The following BCAS3 variants were observed in gnomAD, a reference collection of about 807,000 sequenced individuals.
BCAS3 encodes BCAS3 microtubule associated cell migration factor, also known as BCAS4/BCAS3 fusion.
In BCAS3, 53 loss-of-function variants were observed where a neutral mutation model predicts 116.1. The observed-to-expected ratio is 0.46, with a 90% CI of 0.37 to 0.57. BCAS3 has a LOEUF of 0.57. Ranked by LOEUF, BCAS3 falls within the 20% of genes least tolerant of loss-of-function variation. The probability of loss-of-function intolerance (pLI) is 0.00; values close to 1 mark genes in which losing one functional copy is unlikely to be tolerated. For synonymous variants in BCAS3, 391 were observed against 408.2 expected (o/e 0.96, Z 0.51); for missense variants, 917 against 1,165.4 (o/e 0.79, Z 3.10).
intron 22 of BCAS3, among the ~76,000 whole-genome samples, chr17:61,345,220 C>T (rs2057435223): frequency 6.6e-6 from 1 of 152,224 alleles, no homozygotes; most frequent in Admixed American, 6.5e-5. Context: ...CACTCACACT[C>T]CTGCCTGCTC....
chr17:60,752,420 TC>T (rs1485172189), intron 6 of BCAS3, among the ~76,000 whole-genome samples: 1 of 84,732 alleles, frequency 1.2e-5, no homozygotes, highest in East Asian at 6.9e-4. Context: ...CATGTGTATT[TC>T]ATTTTTTTTT....
At chr17:61,274,750 T>C (rs2050625819) in intron 22 of BCAS3, among the ~76,000 whole-genome samples, 1 of 152,116 alleles carries the variant, frequency 6.6e-6, no homozygotes, top group Non-Finnish European at 1.5e-5. Flanking sequence ...TTCTAGCTAG[T>C]GCACTAAGGA....
intron 19 of BCAS3, among the ~76,000 whole-genome samples, chr17:61,070,521 T>A (rs1307595587): frequency 1.3e-5 from 2 of 151,308 alleles, no homozygotes; most frequent in Non-Finnish European, 2.9e-5. Flanking sequence ...TTTCAGATGA[T>A]TCAATATCAA....
Position 61,388,773 on chromosome 17 carries a change from G to A in BCAS3, c.2594-3204G>A. 2 of 1,443,766 alleles carry A rather than the reference G, an allele frequency of 1.4e-6. No homozygotes were observed. Among genetic ancestry groups the A allele is most frequent in the Non-Finnish European group, 1.9e-6 (2 of 1,067,448 alleles). 89.4% of individuals were successfully genotyped at this position (1,443,766 alleles called of 1,614,324 possible). On this transcript the variant is annotated intron_variant, in intron 23 of 23. Coordinates refer to ENST00000407086, the MANE Select transcript of BCAS3 (RefSeq NM_017679.5). This position sits in a 1 kb window ranked among gnomAD's most constrained non-coding sequence, Gnocchi z 6.5. ...CTGGGCGGCCGGGATGACTTGGAGG[G>A]GGGAATCTGAGCAGCCCTCCTCCCC...
At chr17:60,697,679 A>C (rs542137708) in intron 4 of BCAS3, among the ~76,000 whole-genome samples, 2 of 152,174 alleles carry the variant, frequency 1.3e-5, no homozygotes, top group East Asian at 3.9e-4. Context: ...CACCAGTTGC[A>C]AACAGTCTTC....
At chr17:61,009,558 C>A (rs930566029) in intron 15 of BCAS3, among the ~76,000 whole-genome samples, 12 of 151,822 alleles carry the variant, frequency 7.9e-5, no homozygotes, top group African/African-American at 2.7e-4. Flanking sequence ...GATTTTATGT[C>A]CTTTGGTTCA....
At chr17:61,170,694 C>G (rs1364889104) in intron 22 of BCAS3, among the ~76,000 whole-genome samples, 1 of 152,118 alleles carries the variant, frequency 6.6e-6, no homozygotes, top group East Asian at 1.9e-4. Flanking sequence ...ATTGTCAGAG[C>G]TCGTCGCTGG....
At chr17:60,694,624 G>A (rs560962579) in intron 4 of BCAS3, among the ~76,000 whole-genome samples, 3 of 151,238 alleles carry the variant, frequency 2.0e-5, no homozygotes, top group East Asian at 1.9e-4. Context: ...GATTTTAGGC[G>A]TGAGCCACCA....
At chr17:60,697,923 T>C (rs1041290682) in intron 4 of BCAS3, among the ~76,000 whole-genome samples, 1 of 152,172 alleles carries the variant, frequency 6.6e-6, no homozygotes, top group African/African-American at 2.4e-5. Context: ...CTCACGCCTG[T>C]AATCCCAGCA....
intron 6 of BCAS3, among the ~76,000 whole-genome samples, chr17:60,794,391 G>A (rs944456059): frequency 5.3e-5 from 8 of 152,088 alleles, no homozygotes; most frequent in Admixed American, 2.6e-4. Flanking sequence ...TTTGCTATGC[G>A]AAAGCTCTTT....
In BCAS3 at chr17:60,853,549, G is replaced by A. The variant is rs56839256; in HGVS notation, c.477-15027G>A. On this transcript the variant is annotated intron_variant, in intron 7 of 23. Coordinates refer to ENST00000407086, the MANE Select transcript of BCAS3 (RefSeq NM_017679.5). Reference sequence around the variant, plus strand: ...TTTACACATTTACTAGAGAAAAATAGGAAACTTAGACAAACATTCTTTCAG... The same window carrying A: ...TTTACACATTTACTAGAGAAAAATAAGAAACTTAGACAAACATTCTTTCAG... Among the ~76,000 whole-genome samples, 391 of 152,164 alleles carry A rather than the reference G, an allele frequency of 2.6e-3. 4 individuals are homozygous for A. The highest frequency in any genetic ancestry group is 0.01 in the Middle Eastern group (3 of 292).
chr17:61,210,357 C>T (rs149743344), intron 22 of BCAS3, among the ~76,000 whole-genome samples: 58 of 152,272 alleles, frequency 3.8e-4, no homozygotes, highest in African/African-American at 1.1e-3. Flanking sequence ...TTTTCTAATA[C>T]AGTGGCTTGT....
At chr17:60,946,081 C>T (rs901063309) in intron 13 of BCAS3, among the ~76,000 whole-genome samples, 5 of 152,158 alleles carry the variant, frequency 3.3e-5, no homozygotes, top group Non-Finnish European at 7.4e-5. Context: ...GATCGCGCCA[C>T]TGCACTCCAG....
intron 22 of BCAS3, chr17:61,357,108 G>A (rs1417789124): frequency 6.7e-5 from 10 of 148,950 alleles, no homozygotes; most frequent in Non-Finnish European, 1.5e-4. Context: ...TTAAAAAACT[G>A]ATTACAGAAA....
At chr17:61,210,788 A>G (rs1016720200) in intron 22 of BCAS3, among the ~76,000 whole-genome samples, 2 of 152,204 alleles carry the variant, frequency 1.3e-5, no homozygotes, top group Non-Finnish European at 2.9e-5. Flanking sequence ...CACACTCTCT[A>G]TCCCATCTCA....
In BCAS3 at chr17:61,134,128, G is replaced by C. The variant is rs1210248896; in HGVS notation, c.2425+49564G>C. Among the ~76,000 whole-genome samples, 2 of 152,156 alleles carry C rather than the reference G, an allele frequency of 1.3e-5. No individual in the cohort carries two copies. The highest frequency in any genetic ancestry group is 2.9e-5 in the Non-Finnish European group (2 of 68,024). On this transcript the variant is annotated intron_variant, in intron 22 of 23. Transcript: ENST00000407086. The surrounding 1 kb of genome is among the most constrained non-coding windows in gnomAD (Gnocchi z 4.6). ...ATGTGGAAAATAAATATTTCATATA[G>C]TCTGCTATAGTCTGGCCAGTATGAA... is the stretch of plus-strand genomic sequence containing the variant.
At chr17:60,917,202 G>A (rs932462263) in intron 12 of BCAS3, among the ~76,000 whole-genome samples, 2 of 152,132 alleles carry the variant, frequency 1.3e-5, no homozygotes, top group African/African-American at 4.8e-5. Context: ...ACATTTTAGT[G>A]GCATTAAGTA....
rs1440246084 is a variant in BCAS3, at chr17:61,106,667, G to A, written c.2425+22103G>A. Reference sequence around the variant, plus strand: ...CCCCATAGATAAGGAGCGGGGGACAGTTGTAGAATAAATTATATTTTGAAA... The same window carrying A: ...CCCCATAGATAAGGAGCGGGGGACAATTGTAGAATAAATTATATTTTGAAA... On this transcript the variant is annotated intron_variant, in intron 22 of 23. Coordinates refer to ENST00000407086, the MANE Select transcript of BCAS3 (RefSeq NM_017679.5). This position sits in a 1 kb window ranked among gnomAD's most constrained non-coding sequence, Gnocchi z 4.2. Among the ~76,000 whole-genome samples the A allele has an allele frequency of 9.9e-5, 15 of 152,224 alleles. No homozygotes were observed. Among genetic ancestry groups the A allele is most frequent in the Admixed American group, 7.9e-4 (12 of 15,282 alleles).
At chr17:60,999,050 C>A (rs1289080518) in intron 15 of BCAS3, among the ~76,000 whole-genome samples, 1 of 152,154 alleles carries the variant, frequency 6.6e-6, no homozygotes, top group Non-Finnish European at 1.5e-5. Flanking sequence ...TAGCCAGTTT[C>A]TCCACATCAT....
Sources: gnomAD v4.1 joint callset for allele counts (sites outside exome capture counted in the v4.1 genomes callset) on GRCh38, gnomAD v4.1.1 for gene constraint, Gnocchi (gnomAD v3.1) non-coding constraint, MANE v1.5 for transcripts, NCBI Gene and HGNC (gene_info 2026-07-23, HGNC 2026-07-21) for gene names.